Variants in TMEM62 observed in about 807,000 individuals in gnomAD.
TMEM62 encodes the protein transmembrane protein 62.
In TMEM62, 41 loss-of-function variants were observed where a neutral mutation model predicts 70.4. That is an observed-to-expected ratio of 0.58 (90% confidence interval 0.45 to 0.76). The LOEUF (loss-of-function observed/expected upper bound fraction) is 0.76, where lower values mean the gene tolerates loss of function less well. TMEM62 is among the 30% of genes least tolerant of loss of function. The probability of loss-of-function intolerance (pLI) is 0.00; values close to 1 mark genes in which losing one functional copy is unlikely to be tolerated. For synonymous variants in TMEM62, 268 were observed against 291.0 expected (o/e 0.92, Z 0.80); for missense variants, 688 against 788.5 (o/e 0.87, Z 1.53).
intron 13 of TMEM62, among the ~76,000 whole-genome samples, 196 bp downstream of exon 13, chr15:43,181,495 A>T (rs2041322641): frequency 6.6e-6 from 1 of 152,178 alleles, no homozygotes; most frequent in Non-Finnish European, 1.5e-5. Flanking sequence ...TCTCATGTAA[A>T]CATCTAAAAT....
At chr15:43,134,093 G>C (rs1373222195) in intron 1 of TMEM62, 111 bp downstream of exon 1, 2 of 1,435,020 alleles carry the variant, frequency 1.4e-6, no homozygotes, top group African/African-American at 2.9e-5. Context: ...CAGTCAGATT[G>C]TAACTCGAGG....
intron 5 of TMEM62, 120 bp from the exon 6 acceptor site, chr15:43,148,635 T>G: frequency 8.3e-7 from 1 of 1,206,554 alleles, no homozygotes; most frequent in East Asian, 2.5e-5. Context: ...ACTAGTAAGG[T>G]TTAAGGCCTA....
At chr15:43,182,890 CTAA>C (rs1234338349) in intron 13 of TMEM62, among the ~76,000 whole-genome samples, 1 of 152,180 alleles carries the variant, frequency 6.6e-6, no homozygotes, top group African/African-American at 2.4e-5. Context: ...AAATAGTACA[CTAA>C]TAATGGATTT....
intron 7 of TMEM62, among the ~76,000 whole-genome samples, chr15:43,149,658 G>C (rs766179812): frequency 6.6e-6 from 1 of 152,060 alleles, no homozygotes; most frequent in Non-Finnish European, 1.5e-5. Flanking sequence ...TTGACCTCAG[G>C]TGATCCACCC....
In TMEM62 at chr15:43,135,620, C is replaced by A. The variant is rs370648128; in HGVS notation, c.401C>A (p.Thr134Asn). 6.2e-6 allele frequency: 10 copies of A among 1,600,642 alleles called. No homozygotes were observed. The African/African-American group carries it at 6.7e-5, about 11-fold the overall frequency. Residue 134 changes from threonine (T) to asparagine (N), a missense_variant, in exon 3 of 14, where the codon ACC becomes AAC. Physicochemically the swap from Thr to Asn is moderately conservative, Grantham distance 65. Transcript: ENST00000260403. ...ILKKTRVMEK[T>N]KWLDIKGNHD... ...AAGAAGACAAGAGTCATGGAAAAAACCAAGTGGCTGGATATCAAAGGAAAT... is the reference window on the plus strand; with the variant it reads ...AAGAAGACAAGAGTCATGGAAAAAAACAAGTGGCTGGATATCAAAGGAAAT...
intron 11 of TMEM62, among the ~76,000 whole-genome samples, chr15:43,176,573 A>G (rs2040776157): frequency 6.6e-6 from 1 of 152,190 alleles, no homozygotes; most frequent in African/African-American, 2.4e-5. Context: ...CCAGGCAAAC[A>G]GGGTCTGGAG....
intron 4 of TMEM62, among the ~76,000 whole-genome samples, chr15:43,142,474 G>T (rs909936491): frequency 1.3e-5 from 2 of 151,300 alleles, no homozygotes; most frequent in African/African-American, 4.9e-5. Flanking sequence ...AGAAATTCTT[G>T]TGAAAGGAAA....
intron 3 of TMEM62, 103 bp downstream of exon 3, chr15:43,135,752 A>T: frequency 7.5e-7 from 1 of 1,325,862 alleles, no homozygotes; most frequent in Non-Finnish European, 1.0e-6. Flanking sequence ...TGGGACATTT[A>T]CATATACTAA....
In TMEM62 at chr15:43,151,815, G is replaced by A. The variant is rs768629081; in HGVS notation, c.892G>A (p.Asp298Asn). The part of the protein sequence containing the change: ...RRYRIFAFDH[D>N]LFSFADLIFG... ...GTACCGGATTTTTGCTTTTGATCAC[G>A]ACCTCTTTAGCTTTGCAGATTTGAT... is the stretch of plus-strand genomic sequence containing the variant. Residue 298 changes from aspartate to asparagine, a missense_variant, in exon 8 of 14, where the codon GAC (aspartate) becomes AAC (asparagine). Physicochemically the swap from Asp to Asn is conservative, Grantham distance 23. Transcript: ENST00000260403. 3 of 1,613,252 alleles carry A rather than the reference G, an allele frequency of 1.9e-6. No individual in the cohort carries two copies. Among genetic ancestry groups the A allele is most frequent in the East Asian group, 2.2e-5 (1 of 44,800 alleles).
In TMEM62 at chr15:43,181,236, T is replaced by C. The variant is rs2041301410; in HGVS notation, c.1542T>C (p.Phe514=). The change falls in exon 13 of 14, where the codon TTT becomes TTC. Residue 514 remains phenylalanine (F), a synonymous_variant. Coordinates refer to ENST00000260403, the MANE Select transcript of TMEM62 (RefSeq NM_024956.4). ...IDGKFGCCFS[F]GIFVNGHFLQ... ...GCAAATTTGGTTGCTGCTTTTCCTT[T>C]GGGATATTTGTTAATGGACATTTCC... The C allele has an allele frequency of 1.6e-5, 26 of 1,613,924 alleles. No homozygotes were observed. Among genetic ancestry groups the C allele is most frequent in the Non-Finnish European group, 2.2e-5 (26 of 1,179,994 alleles).
chr15:43,152,236 A>G (rs932768174), intron 8 of TMEM62, among the ~76,000 whole-genome samples: 5 of 152,158 alleles, frequency 3.3e-5, no homozygotes, highest in Non-Finnish European at 5.9e-5. Flanking sequence ...TTACATTGCT[A>G]TAAGCATAAT....
At chr15:43,144,845 G>A (rs536114854) in intron 4 of TMEM62, among the ~76,000 whole-genome samples, 1 of 152,208 alleles carries the variant, frequency 6.6e-6, no homozygotes, top group East Asian at 1.9e-4. Flanking sequence ...GGGCTGAGTG[G>A]TTATTGGGAA....
chr15:43,151,029 T>C (rs908455359), intron 7 of TMEM62, among the ~76,000 whole-genome samples: 5 of 152,292 alleles, frequency 3.3e-5, no homozygotes, highest in African/African-American at 9.6e-5. Context: ...AAAACAACTT[T>C]AATTTCTTTG....
At chr15:43,157,799 T>C (rs1195915129) in intron 9 of TMEM62, among the ~76,000 whole-genome samples, 1 of 152,194 alleles carries the variant, frequency 6.6e-6, no homozygotes, top group Non-Finnish European at 1.5e-5. Flanking sequence ...AGTTCCGTAA[T>C]ATCGAACTAC....
At chr15:43,173,888 C>G (rs76148946) in intron 11 of TMEM62, among the ~76,000 whole-genome samples, 28 of 136,452 alleles carry the variant, frequency 2.1e-4, no homozygotes, top group Non-Finnish European at 3.5e-4. Context: ...TAGACAGTCT[C>G]GCTGTGAACC....
rs1002603957 is a variant in TMEM62, at chr15:43,133,868, C to G, written c.66C>G (p.Leu22=). The change falls in exon 1 of 14, where the codon CTC becomes CTG. Residue 22 remains leucine, a synonymous_variant. Transcript: ENST00000260403. ...GLAAAALVAM[L]LEHYGLAGQP... ...CGGCCGCAGCGCTGGTGGCCATGCT[C>G]TTGGAGCACTACGGCCTGGCGGGCC... 2.7e-6 allele frequency: 4 copies of G among 1,497,428 alleles called. No individual in the cohort carries two copies. Among genetic ancestry groups the G allele is most frequent in the African/African-American group, 1.5e-5 (1 of 68,842 alleles). 92.8% of individuals were successfully genotyped at this position (1,497,428 alleles called of 1,614,324 possible). A position where few individuals can be genotyped will look rare whatever the true frequency, so the allele number is the denominator to read the frequency against.
Position 43,184,445 on chromosome 15 carries a change from C to T in TMEM62, c.1791C>T (p.Tyr597=), listed in dbSNP as rs138203832. 2.0e-4 allele frequency: 324 copies of T among 1,614,092 alleles called. No homozygotes were observed. The highest frequency in any genetic ancestry group is 2.5e-4 in the Non-Finnish European group (296 of 1,180,046). The part of the protein sequence containing the change: ...VYSCYFLYAT[Y]GTLAFLFSPL... ...CCTGCTACTTTCTTTATGCAACATACGGCACCCTAGCTTTTTTATTCTCCC... is the reference window on the plus strand; with the variant it reads ...CCTGCTACTTTCTTTATGCAACATATGGCACCCTAGCTTTTTTATTCTCCC... Residue 597 remains tyrosine, a synonymous_variant, in exon 14 of 14, where the codon TAC becomes TAT. Transcript: ENST00000260403.
intron 5 of TMEM62, among the ~76,000 whole-genome samples, chr15:43,148,410 A>G (rs1033365493): frequency 1.3e-5 from 2 of 152,122 alleles, no homozygotes. Context: ...TTTCCATGAT[A>G]TTATTTTAGA....
rs767292716 is a variant in TMEM62, at chr15:43,138,620, G to C, written c.476+1G>C. ...TGGACAGCATCAAGAATTATTACAGGTACTGTAATAAACAGAAGACAGACC... is the reference window on the plus strand; with the variant it reads ...TGGACAGCATCAAGAATTATTACAGCTACTGTAATAAACAGAAGACAGACC... On this transcript the variant is annotated splice_donor_variant, in intron 4 of 13. Coordinates refer to ENST00000260403, the MANE Select transcript of TMEM62 (RefSeq NM_024956.4). LOFTEE classifies it high-confidence loss of function. 10 of 1,592,658 alleles carry C rather than the reference G, an allele frequency of 6.3e-6. No individual in the cohort carries two copies. Among genetic ancestry groups the C allele is most frequent in the Non-Finnish European group, 8.6e-6 (10 of 1,164,302 alleles).
Sources: allele counts gnomAD v4.1 joint callset (sites outside exome capture counted in the v4.1 genomes callset), GRCh38; gene constraint gnomAD v4.1.1; transcripts MANE v1.5; gene names NCBI Gene and HGNC (gene_info 2026-07-23, HGNC 2026-07-21).